The following CDK6 variants were observed in gnomAD, a reference collection of about 807,000 sequenced individuals.
CDK6 encodes the protein cyclin-dependent kinase 6.
A neutral mutation model predicts 37.1 loss-of-function variants in CDK6; 6 were observed. The observed-to-expected ratio is 0.16, with a 90% CI of 0.09 to 0.32. The LOEUF (loss-of-function observed/expected upper bound fraction) is 0.32, where lower values mean the gene tolerates loss of function less well. CDK6 is among the 10% of genes least tolerant of loss of function. The pLI, the probability that CDK6 is intolerant of heterozygous loss-of-function variation, is 1.00. For synonymous variants in CDK6, 160 were observed against 161.3 expected, an observed-to-expected ratio of 0.99 and a Z score of 0.06; for missense variants, 224 against 418.9, an observed-to-expected ratio of 0.53 and a Z score of 4.06.
rs1401984506 is a variant in CDK6, at chr7:92,615,229, G to T, written c.892C>A (p.Pro298Thr). 2 of 1,614,100 alleles carry T rather than the reference G, an allele frequency of 1.2e-6. No individual in the cohort carries two copies. Among genetic ancestry groups the T allele is most frequent in the Admixed American group, 3.3e-5 (2 of 60,026 alleles). The change falls in exon 8 of 8, where the codon CCA becomes ACA. Residue 298 changes from proline to threonine, a missense_variant. Coordinates refer to ENST00000424848, the MANE Select transcript of CDK6 (RefSeq NM_001145306.2). ...CACCTTTCCAGGTCCTGGAAGTATGGGTGAGACAGGGCACTGTAGGCAGAT... is the reference window on the plus strand; with the variant it reads ...CACCTTTCCAGGTCCTGGAAGTATGTGTGAGACAGGGCACTGTAGGCAGAT... ...RISAYSALSH[P>T]YFQDLERCKE...
chr7:92,787,827 A>G (rs1800184833), intron 2 of CDK6, among the ~76,000 whole-genome samples: 1 of 152,196 alleles, frequency 6.6e-6, no homozygotes, highest in South Asian at 2.1e-4. Context: ...AAAATCCTAC[A>G]TGGTAGAATT....
intron 5 of CDK6, among the ~76,000 whole-genome samples, chr7:92,650,903 T>C (rs1029455090): frequency 5.3e-5 from 8 of 152,280 alleles, no homozygotes; most frequent in African/African-American, 1.9e-4. Flanking sequence ...TCTCTTTTTT[T>C]TTTTTTAGAC....
intron 5 of CDK6, 93 bp downstream of exon 5, chr7:92,671,333 C>T: frequency 2.6e-6 from 2 of 779,096 alleles, no homozygotes; most frequent in East Asian, 2.9e-5. Flanking sequence ...ATCATGACCC[C>T]TAATGATAGA....
rs11285626 is a variant in CDK6, at chr7:92,711,552, A to ATTTTTTTTTTT, written c.537+14063_537+14073dup. 4.8e-4 allele frequency among the ~76,000 whole-genome samples: 27 copies of ATTTTTTTTTTT among 56,626 alleles called. 2 individuals carry two copies. Among genetic ancestry groups the ATTTTTTTTTTT allele is most frequent in the African/African-American group, 2.0e-3 (25 of 12,216 alleles). The allele number at this position is 56,626 out of a possible 152,430, so 37.1% of individuals were successfully genotyped here. On this transcript the variant is annotated intron_variant, in intron 4 of 7. Coordinates refer to ENST00000424848, the MANE Select transcript of CDK6 (RefSeq NM_001145306.2). ...TTTTTTACCTACCTGGAATGGTCAA[A>ATTTTTTTTTTT]TTTTTTTTTTTTTTTTTTTTTTTTT...
chr7:92,617,942 G>T, intron 7 of CDK6, 130 bp downstream of exon 7: 2 of 810,978 alleles, frequency 2.5e-6, no homozygotes, highest in Non-Finnish European at 3.8e-6. Context: ...GTTGCCTCCT[G>T]CTCCATGTGG....
At chr7:92,824,122 T>G (rs1416085648) in intron 2 of CDK6, among the ~76,000 whole-genome samples, 1 of 151,856 alleles carries the variant, frequency 6.6e-6, no homozygotes, top group African/African-American at 2.4e-5. Context: ...TGAGATTACT[T>G]TGCAATAAAA....
intron 2 of CDK6, among the ~76,000 whole-genome samples, chr7:92,792,016 G>T (rs574022348): frequency 6.6e-6 from 1 of 152,158 alleles, no homozygotes; most frequent in Non-Finnish European, 1.5e-5. Flanking sequence ...CAATGCTATG[G>T]TAGGATGTGT....
chr7:92,833,583 C>A lies in CDK6; in HGVS notation c.-260G>T. On this transcript the variant is annotated 5_prime_UTR_variant, in exon 2 of 8. Transcript: ENST00000424848. The surrounding 1 kb of genome is among the most constrained non-coding windows in gnomAD (Gnocchi z 6.1). Reference sequence around the variant, plus strand: ...GCAGAGTCGCCGCCGCCGCCGCCGCCGGAGGAGCGAGCCGATCCCTCCTCT... The same window carrying A: ...GCAGAGTCGCCGCCGCCGCCGCCGCAGGAGGAGCGAGCCGATCCCTCCTCT... The A allele has an allele frequency of 9.2e-6, 5 of 541,662 alleles. No individual in the cohort carries two copies. Among genetic ancestry groups the A allele is most frequent in the Admixed American group, 3.8e-5 (1 of 26,056 alleles). 33.6% of individuals were successfully genotyped at this position (541,662 alleles called of 1,614,324 possible).
At chr7:92,734,645 A>T (rs1431129270) in intron 3 of CDK6, among the ~76,000 whole-genome samples, 1 of 152,218 alleles carries the variant, frequency 6.6e-6, no homozygotes, top group African/African-American at 2.4e-5. Flanking sequence ...GAAATCTATG[A>T]AGGCCATTAG....
At chr7:92,717,741 ATGAC>A (rs1005386488) in intron 4 of CDK6, among the ~76,000 whole-genome samples, 64 of 152,344 alleles carry the variant, frequency 4.2e-4, no homozygotes, top group African/African-American at 1.4e-3. Context: ...AGTCAAATGA[ATGAC>A]TATCTTTTAT....
At chr7:92,724,007 C>G (rs945316729) in intron 4 of CDK6, among the ~76,000 whole-genome samples, 1 of 151,952 alleles carries the variant, frequency 6.6e-6, no homozygotes, top group African/African-American at 2.4e-5. Flanking sequence ...ATAAAAGCGT[C>G]CATCTCAGTT....
At chr7:92,704,340 A>C (rs1330528908) in intron 4 of CDK6, among the ~76,000 whole-genome samples, 1 of 152,178 alleles carries the variant, frequency 6.6e-6, no homozygotes, top group Non-Finnish European at 1.5e-5. Flanking sequence ...GGATCTAAAT[A>C]AGAACTCAAG....
intron 4 of CDK6, among the ~76,000 whole-genome samples, chr7:92,692,300 A>C (rs900325622): frequency 6.6e-6 from 1 of 150,756 alleles, no homozygotes; most frequent in African/African-American, 2.4e-5. Context: ...GTTCTGTAAA[A>C]TGTGTTCTGT....
At chr7:92,770,881 CCT>C (rs1467752375) in intron 3 of CDK6, among the ~76,000 whole-genome samples, 1 of 151,962 alleles carries the variant, frequency 6.6e-6, no homozygotes, top group Non-Finnish European at 1.5e-5. Context: ...AGGAAAATCC[CCT>C]GAGCTTAAAT....
intron 2 of CDK6, among the ~76,000 whole-genome samples, chr7:92,812,893 C>T (rs1180077889): frequency 6.6e-6 from 1 of 152,166 alleles, no homozygotes; most frequent in Non-Finnish European, 1.5e-5. Flanking sequence ...TTCACAATCA[C>T]CAGAATTTAT....
chr7:92,636,484 T>C (rs66939011), intron 5 of CDK6, among the ~76,000 whole-genome samples: 36,762 of 152,052 alleles, frequency 0.24, 4,876 homozygotes, highest in Middle Eastern at 0.37. Flanking sequence ...ATTTGCATTA[T>C]ACATTCTCTA....
At chr7:92,725,199 G>A in intron 4 of CDK6, 3 of 985,410 alleles carry the variant, frequency 3.0e-6, no homozygotes, top group Non-Finnish European at 3.6e-6. Flanking sequence ...TCAGATGAGT[G>A]CATTAACAAA....
At chr7:92,732,307 C>T (rs528081507) in intron 3 of CDK6, among the ~76,000 whole-genome samples, 15 of 152,148 alleles carry the variant, frequency 9.9e-5, no homozygotes, top group Non-Finnish European at 2.1e-4. Context: ...GACCCAGCTA[C>T]TCGGGAGGCC....
intron 4 of CDK6, among the ~76,000 whole-genome samples, chr7:92,675,818 A>AT (rs578051034): frequency 1.2e-3 from 176 of 152,262 alleles, no homozygotes; most frequent in African/African-American, 4.1e-3. Context: ...ATGATAAAGG[A>AT]TTTTCCTACG....
Sources: gnomAD v4.1 joint callset for allele counts (sites outside exome capture counted in the v4.1 genomes callset) on GRCh38, gnomAD v4.1.1 for gene constraint, Gnocchi (gnomAD v3.1) non-coding constraint, MANE v1.5 for transcripts, NCBI Gene and HGNC (gene_info 2026-07-23, HGNC 2026-07-21) for gene names.